WNK2: variants seen among roughly 807,000 people sequenced by gnomAD.
WNK2 encodes the protein serine/threonine-protein kinase WNK2.
Under a neutral mutation model 192.1 loss-of-function variants are expected in WNK2, and 67 were observed. The ratio of observed to expected loss-of-function variants is 0.35; its 90% CI spans 0.29 to 0.43. The LOEUF is 0.43. WNK2 is among the 20% of genes least tolerant of loss of function. WNK2 has a pLI of 1.00. For missense variants in WNK2, 2,698 were observed against 3,089.7 expected (o/e 0.87, Z 3.01); for synonymous variants, 1,439 against 1,393.9 (o/e 1.03, Z -0.72).
At chr9:93,215,474 A>T (rs1009974917) in intron 2 of WNK2, among the ~76,000 whole-genome samples, 3 of 152,094 alleles carry the variant, frequency 2.0e-5, no homozygotes, top group Admixed American at 1.3e-4. Context: ...CCCCATTTAC[A>T]CATAGGTTGG....
chr9:93,255,083 A>C (rs1843095456), intron 9 of WNK2, among the ~76,000 whole-genome samples: 2 of 152,214 alleles, frequency 1.3e-5, no homozygotes, highest in Admixed American at 6.5e-5. Flanking sequence ...TCACAGGTAC[A>C]GTCACCTTGG....
rs142100817 is a variant in WNK2 at position 93,239,745 on chromosome 9, C to T, written c.1323-12C>T. 1.3e-6 allele frequency: 2 copies of T among 1,543,236 alleles called. No individual in the cohort carries two copies. Among genetic ancestry groups the T allele is most frequent in the Admixed American group, 2.0e-5 (1 of 50,942 alleles). ...CGCCCGTGCCCCTGCCTGTCAGCTG[C>T]TCTCCCTCCAGGTACGAGATCAAAG... On this transcript the variant is annotated splice_polypyrimidine_tract_variant and intron_variant, in intron 6 of 29. Transcript: ENST00000427277. The surrounding 1 kb of genome is among the most constrained non-coding windows in gnomAD (Gnocchi z 4.2).
intron 2 of WNK2, among the ~76,000 whole-genome samples, chr9:93,217,314 A>G (rs1426144971): frequency 6.6e-6 from 1 of 152,242 alleles, no homozygotes; most frequent in African/African-American, 2.4e-5. Flanking sequence ...CTTACAGAAC[A>G]TCTCAACCTG....
intron 2 of WNK2, among the ~76,000 whole-genome samples, chr9:93,190,448 C>T (rs7857937): frequency 0.46 from 69,798 of 151,916 alleles, 17,118 homozygotes; most frequent in East Asian, 0.56. Context: ...CCATGGGACT[C>T]GAGCGTACCT....
chr9:93,299,991 C>G, intron 25 of WNK2, 60 bp from the exon 26 acceptor site: 2 of 1,438,398 alleles, frequency 1.4e-6, no homozygotes, highest in Non-Finnish European at 1.9e-6. Context: ...GAGGAGGAAT[C>G]GCAGCAACCT....
At chr9:93,296,539 T>A (rs1380823514) in intron 23 of WNK2, among the ~76,000 whole-genome samples, 1 of 14,044 alleles carries the variant, frequency 7.1e-5, no homozygotes, top group East Asian at 2.0e-3. Flanking sequence ...TCCTCCCCTC[T>A]CCATGCTCCC....
intron 2 of WNK2, among the ~76,000 whole-genome samples, chr9:93,217,678 T>C (rs1835996090): frequency 6.6e-6 from 1 of 152,210 alleles, no homozygotes; most frequent in Non-Finnish European, 1.5e-5. Context: ...GGGCCATCTG[T>C]TGGTGCCCCC....
At chr9:93,295,188 T>G (rs1010005516) in intron 23 of WNK2, among the ~76,000 whole-genome samples, 1 of 152,182 alleles carries the variant, frequency 6.6e-6, no homozygotes, top group African/African-American at 2.4e-5. Context: ...GGAGCCACAT[T>G]GCAGTCTGGG....
chr9:93,209,095 C>T (rs1310993029), intron 2 of WNK2, among the ~76,000 whole-genome samples: 1 of 152,064 alleles, frequency 6.6e-6, no homozygotes, highest in African/African-American at 2.4e-5. Flanking sequence ...AGCTTTTTTT[C>T]TTCCAAATGA....
rs1312710671 is a variant in WNK2 at position 93,247,359 on chromosome 9, C to T, written c.1543-184C>T. 1.3e-5 allele frequency among the ~76,000 whole-genome samples: 2 copies of T among 152,214 alleles called. No individual in the cohort carries two copies. Among genetic ancestry groups the T allele is most frequent in the East Asian group, 3.9e-4 (2 of 5,188 alleles). On this transcript the variant is annotated intron_variant, in intron 7 of 29. Coordinates refer to ENST00000427277, the MANE Select transcript of WNK2 (RefSeq NM_006648.4). The surrounding 1 kb of genome is among the most constrained non-coding windows in gnomAD (Gnocchi z 5.2). ...CTGCGTGGTGGTGGTCTTTCTTTGC[C>T]TTGCCTGGCAAACCCCTGCCATGCC...
chr9:93,279,888 A>T (rs573215631), intron 19 of WNK2, among the ~76,000 whole-genome samples: 5 of 152,346 alleles, frequency 3.3e-5, no homozygotes, highest in African/African-American at 1.2e-4. Context: ...ACTGCATACT[A>T]TATACAAAAA....
rs756528732 is a variant in WNK2, at chr9:93,258,897, G to A, written c.2383-34G>A. 10 of 1,575,792 alleles carry A rather than the reference G, an allele frequency of 6.3e-6. No individual in the cohort carries two copies. In the East Asian group the frequency reaches 2.2e-4, roughly 35 times the overall value. The stretch of plus-strand genomic sequence containing the variant: ...TGCTGTGGGCAGGGACCCTGGTTGG[G>A]GCCCACACTGACACACTCCTGTGTC... On this transcript the variant is annotated intron_variant, in intron 11 of 29. Transcript: ENST00000427277.
chr9:93,229,755 A>G lies in WNK2; in HGVS notation c.741A>G (p.Lys247=). 6.2e-7 allele frequency: 1 copy of G among 1,613,772 alleles called. No homozygotes were observed. The part of the protein sequence containing the change: ...QRFKEEAEML[K]GLQHPNIVRF... Reference sequence around the variant, plus strand: ...TCAAGGAAGAGGCTGAGATGCTGAAAGGCCTGCAGCACCCCAACATCGTGC... The same window carrying G: ...TCAAGGAAGAGGCTGAGATGCTGAAGGGCCTGCAGCACCCCAACATCGTGC... The change falls in exon 3 of 30, where the codon AAA becomes AAG. Residue 247 remains lysine (K), a synonymous_variant. Transcript: ENST00000427277. This position sits in a 1 kb window ranked among gnomAD's most constrained non-coding sequence, Gnocchi z 4.9.
chr9:93,226,169 C>T (rs959730593), intron 2 of WNK2, among the ~76,000 whole-genome samples: 1 of 152,230 alleles, frequency 6.6e-6, no homozygotes, highest in African/African-American at 2.4e-5. Context: ...TGGGCCGTTC[C>T]TTTGCAGATA....
chr9:93,262,512 T>G (rs7854000), intron 13 of WNK2, among the ~76,000 whole-genome samples, 158 bp from the exon 14 acceptor site: 13 of 152,248 alleles, frequency 8.5e-5, no homozygotes, highest in African/African-American at 3.1e-4. Context: ...TGACGCCCCC[T>G]GGGTCGTACC....
At chr9:93,291,460 T>A (rs958357586) in intron 21 of WNK2, among the ~76,000 whole-genome samples, 1 of 152,114 alleles carries the variant, frequency 6.6e-6, no homozygotes, top group African/African-American at 2.4e-5. Context: ...AGAGTGCGAT[T>A]GACAGTGAAC....
In WNK2 at chr9:93,264,146, G is replaced by C. The variant is rs564826277; in HGVS notation, c.3696+113G>C. 1.0e-3 allele frequency: 839 copies of C among 809,866 alleles called. 4 individuals are homozygous for C. In the African/African-American group the frequency reaches 0.013, roughly 12 times the overall value. The allele number at this position is 809,866 out of a possible 1,614,324, so 50.2% of individuals were successfully genotyped here. ...TGGCCTTGTGTGGAGGTGTCGGTTG[G>C]CCCAGGGGCTTTTCGGGACAGTGCT... is the stretch of plus-strand genomic sequence containing the variant. On this transcript the variant is annotated intron_variant, in intron 16 of 29. Coordinates refer to ENST00000427277, the MANE Select transcript of WNK2 (RefSeq NM_006648.4).
At chr9:93,315,370 C>T (rs1038619116) in intron 28 of WNK2, 1 of 152,258 alleles carries the variant, frequency 6.6e-6, no homozygotes, top group African/African-American at 2.4e-5. Context: ...GCACTTACGG[C>T]TCAGACCAGA....
chr9:93,283,302 G>C (rs867359504), intron 19 of WNK2, among the ~76,000 whole-genome samples: 4 of 152,068 alleles, frequency 2.6e-5, no homozygotes, highest in African/African-American at 9.7e-5. Flanking sequence ...AAATAGATAA[G>C]AACATAAATT....
Sources: allele counts gnomAD v4.1 joint callset (sites outside exome capture counted in the v4.1 genomes callset), GRCh38; gene constraint gnomAD v4.1.1; non-coding constraint Gnocchi (gnomAD v3.1); transcripts MANE v1.5; gene names NCBI Gene and HGNC (gene_info 2026-07-23, HGNC 2026-07-21).